Variants in HS3ST5 observed in about 807,000 individuals in gnomAD.
The protein encoded by HS3ST5 is heparan sulfate-glucosamine 3-sulfotransferase 5, also known as heparan sulfate glucosamine 3-O-sulfotransferase 5.
A neutral mutation model predicts 25.4 loss-of-function variants in HS3ST5; 10 were observed. That is an observed-to-expected ratio of 0.39 (90% CI 0.24 to 0.67). HS3ST5 has a LOEUF of 0.67. HS3ST5 is among the 30% of genes least tolerant of loss of function. The pLI is 0.44. For synonymous variants in HS3ST5, 170 were observed against 162.4 expected (o/e 1.05, Z -0.36); for missense variants, 324 against 420.7 (o/e 0.77, Z 2.01).
intron 3 of HS3ST5, among the ~76,000 whole-genome samples, chr6:114,082,152 G>A (rs1305254660): frequency 1.3e-5 from 2 of 152,108 alleles, no homozygotes; most frequent in Non-Finnish European, 2.9e-5. Flanking sequence ...AAATTGTGAC[G>A]TTTCAAACCA....
In HS3ST5 at chr6:114,336,791, T is replaced by C. The variant is rs1450429185; in HGVS notation, c.-339+5404A>G. ...TTATGTTGAGGCATGTTCAGAATTA[T>C]TGTGATTTTTTTCATTGACTTGAGT... is the stretch of plus-strand genomic sequence containing the variant. On this transcript the variant is annotated intron_variant, in intron 1 of 4. Coordinates refer to ENST00000312719, the MANE Select transcript of HS3ST5 (RefSeq NM_153612.4). Among the ~76,000 whole-genome samples, 5 of 152,166 alleles carry C rather than the reference T, an allele frequency of 3.3e-5. No homozygotes were observed. In the East Asian group the frequency reaches 9.6e-4, roughly 29 times the overall value.
At chr6:114,060,311 C>T (rs534344582) in intron 4 of HS3ST5, among the ~76,000 whole-genome samples, 11 of 152,090 alleles carry the variant, frequency 7.2e-5, no homozygotes, top group Admixed American at 5.2e-4. Flanking sequence ...TGTGCCTGGC[C>T]TAGACAGCTT....
intron 1 of HS3ST5, among the ~76,000 whole-genome samples, chr6:114,320,498 T>G (rs1376052843): frequency 1.3e-5 from 2 of 152,110 alleles, no homozygotes; most frequent in Non-Finnish European, 2.9e-5. Flanking sequence ...CACTCCCATA[T>G]TAATTCGATT....
chr6:114,111,722 T>G (rs1174741045), intron 3 of HS3ST5, among the ~76,000 whole-genome samples: 2 of 152,170 alleles, frequency 1.3e-5, no homozygotes, highest in Non-Finnish European at 2.9e-5. Context: ...ACCATAACCT[T>G]GGGGCCAATG....
At chr6:114,325,612 T>C (rs1416711063) in intron 1 of HS3ST5, among the ~76,000 whole-genome samples, 1 of 152,054 alleles carries the variant, frequency 6.6e-6, no homozygotes, top group African/African-American at 2.4e-5. Flanking sequence ...AACTAGTGTT[T>C]CTCCAACTCA....
chr6:114,096,048 C>T (rs746578624), intron 3 of HS3ST5, among the ~76,000 whole-genome samples: 5 of 152,114 alleles, frequency 3.3e-5, no homozygotes, highest in Non-Finnish European at 7.4e-5. Context: ...CTACCTTCAC[C>T]TTACCTTTTA....
At chr6:114,230,903 T>C (rs1051162299) in intron 1 of HS3ST5, among the ~76,000 whole-genome samples, 4 of 152,120 alleles carry the variant, frequency 2.6e-5, no homozygotes, top group Non-Finnish European at 4.4e-5. Flanking sequence ...GACGTACTTC[T>C]TAAAGCACTG....
chr6:114,098,984 T>C (rs886428068), intron 3 of HS3ST5, among the ~76,000 whole-genome samples: 2 of 152,172 alleles, frequency 1.3e-5, no homozygotes, highest in African/African-American at 4.8e-5. Flanking sequence ...TAATGTCCTG[T>C]TGGAGATAAT....
In HS3ST5 at chr6:114,055,997, A is replaced by C. The variant is rs1425835037; in HGVS notation, c.*1260T>G. On this transcript the variant is annotated 3_prime_UTR_variant, in exon 5 of 5. Coordinates refer to ENST00000312719, the MANE Select transcript of HS3ST5 (RefSeq NM_153612.4). ...GAATCCTTTCAGAGCAAATTGATAT[A>C]TTTTCAACTAACAGGGAGAGTTGTG... is the stretch of plus-strand genomic sequence containing the variant. 1 of 152,210 alleles carries C rather than the reference A, an allele frequency of 6.6e-6. No individual in the cohort carries two copies. The highest frequency in any genetic ancestry group is 2.4e-5 in the African/African-American group (1 of 41,440). The allele number at this position is 152,210 out of a possible 1,614,324, so 9.4% of individuals were successfully genotyped here.
intron 3 of HS3ST5, among the ~76,000 whole-genome samples, chr6:114,159,086 T>C (rs1192536277): frequency 1.3e-5 from 2 of 152,204 alleles, no homozygotes; most frequent in Non-Finnish European, 2.9e-5. Flanking sequence ...ACCTAGAAAT[T>C]ATTTACCCAA....
intron 2 of HS3ST5, among the ~76,000 whole-genome samples, chr6:114,223,421 A>G (rs1782132389): frequency 6.6e-6 from 1 of 151,792 alleles, no homozygotes; most frequent in African/African-American, 2.4e-5. Context: ...TGGAACTGAA[A>G]TTCCCTATTT....
intron 3 of HS3ST5, among the ~76,000 whole-genome samples, chr6:114,154,717 C>T (rs1287303362): frequency 6.6e-6 from 1 of 152,082 alleles, no homozygotes; most frequent in Non-Finnish European, 1.5e-5. Flanking sequence ...AGGAGGGGCA[C>T]ATAAACATGT....
chr6:114,059,891 ACAGC>A (rs766724740), intron 4 of HS3ST5: 5 of 152,252 alleles, frequency 3.3e-5, no homozygotes, highest in Non-Finnish European at 7.3e-5. Flanking sequence ...TTCTGTTTAA[ACAGC>A]TATCTATCAT....
At chr6:114,194,865 G>A (rs576851434) in intron 2 of HS3ST5, among the ~76,000 whole-genome samples, 8 of 152,278 alleles carry the variant, frequency 5.3e-5, no homozygotes, top group African/African-American at 1.7e-4. Flanking sequence ...TGTCCTATTT[G>A]TCCCACCCTC....
intron 1 of HS3ST5, among the ~76,000 whole-genome samples, chr6:114,293,907 G>A (rs1774695435): frequency 6.6e-6 from 1 of 152,182 alleles, no homozygotes; most frequent in Admixed American, 6.5e-5. Context: ...TATCCCCATG[G>A]AGACACACTT....
At position 114,200,249 on chromosome 6, in the gene HS3ST5, G is replaced by A. The variant is rs187630258; in HGVS notation, c.-145+28336C>T. 3.0e-3 allele frequency among the ~76,000 whole-genome samples: 453 copies of A among 152,080 alleles called. 5 individuals are homozygous for A. Among genetic ancestry groups the A allele is most frequent in the Non-Finnish European group, 3.3e-3 (226 of 67,984 alleles). ...AAAACAAAAACAAAAACAAAATGAG[G>A]TTTGTTTTTCCTCTGGTTAAAGACA... On this transcript the variant is annotated intron_variant, in intron 2 of 4. Transcript: ENST00000312719.
At chr6:114,336,126 T>C (rs1442840791) in intron 1 of HS3ST5, among the ~76,000 whole-genome samples, 1 of 152,204 alleles carries the variant, frequency 6.6e-6, no homozygotes. Context: ...AATGAGCATG[T>C]TGTGCCCATT....
chr6:114,341,716 T>TTGCCTGCCCTC (rs1776886750), intron 1 of HS3ST5, among the ~76,000 whole-genome samples: 1 of 152,058 alleles, frequency 6.6e-6, no homozygotes, highest in African/African-American at 2.4e-5. Flanking sequence ...TGCCTGTTCT[T>TTGCCTGCCCTC]TGCCTGCCCT....
chr6:114,201,791 G>C (rs910922625), intron 2 of HS3ST5, among the ~76,000 whole-genome samples: 4 of 152,172 alleles, frequency 2.6e-5, no homozygotes, highest in African/African-American at 9.7e-5. Context: ...GTTCAGCATG[G>C]CTGGGGAGAC....
Sources: gnomAD v4.1 joint callset for allele counts (sites outside exome capture counted in the v4.1 genomes callset) on GRCh38, gnomAD v4.1.1 for gene constraint, MANE v1.5 for transcripts, NCBI Gene and HGNC (gene_info 2026-07-23, HGNC 2026-07-21) for gene names.